DECR1: variants seen among roughly 807,000 people sequenced by gnomAD.
The protein encoded by DECR1 is 2,4-dienoyl-CoA reductase 1.
DECR1 carries 44 observed loss-of-function variants against 38.8 expected under a neutral mutation model. The observed-to-expected ratio is 1.13, with a 90% CI of 0.89 to 1.46. The LOEUF (loss-of-function observed/expected upper bound fraction) is 1.46, where lower values mean the gene tolerates loss of function less well. DECR1 is among the 40% of genes most tolerant of loss of function. The pLI, the probability that DECR1 is intolerant of heterozygous loss-of-function variation, is 0.00. For synonymous variants in DECR1, 148 were observed against 135.2 expected, an observed-to-expected ratio of 1.09 and a Z score of -0.66; for missense variants, 428 against 405.5, an observed-to-expected ratio of 1.06 and a Z score of -0.48.
At chr8:90,007,058 C>G (rs1429297362) in intron 1 of DECR1, among the ~76,000 whole-genome samples, 3 of 152,072 alleles carry the variant, frequency 2.0e-5, no homozygotes, top group Non-Finnish European at 4.4e-5. Flanking sequence ...TGTTAATTCT[C>G]CCTGGGAGTG....
intron 5 of DECR1, among the ~76,000 whole-genome samples, chr8:90,031,248 G>A (rs1481854965): frequency 1.3e-5 from 2 of 152,060 alleles, no homozygotes; most frequent in Admixed American, 6.6e-5. Flanking sequence ...AAGAGCTAGT[G>A]TCTATAAAGT....
Position 90,001,528 on chromosome 8 carries a change from G to A in DECR1, c.36G>A (p.Gly12=). The change falls in exon 1 of 10, where the codon GGG becomes GGA. Residue 12 remains glycine (G), a synonymous_variant. Coordinates refer to ENST00000220764, the MANE Select transcript of DECR1 (RefSeq NM_001359.2). ...KLPARVFFTL[G]SRLPCGLAPR... ...CGGCCAGGGTTTTCTTTACTCTGGG[G>A]TCCCGGCTGCCCTGTGGCCTCGCTC... 1 of 1,614,014 alleles carries A rather than the reference G, an allele frequency of 6.2e-7. No individual in the cohort carries two copies. Among genetic ancestry groups the A allele is most frequent in the Non-Finnish European group, 8.5e-7 (1 of 1,179,924 alleles).
intron 5 of DECR1, among the ~76,000 whole-genome samples, 154 bp downstream of exon 5, chr8:90,021,210 G>A (rs952026328): frequency 6.6e-6 from 1 of 152,218 alleles, no homozygotes; most frequent in Admixed American, 6.5e-5. Context: ...ATTATCATAT[G>A]TTACAATTTG....
chr8:90,006,109 C>G (rs1224059259), intron 1 of DECR1: 3 of 668,606 alleles, frequency 4.5e-6, no homozygotes, highest in Non-Finnish European at 8.2e-6. Flanking sequence ...GACCCCACCT[C>G]CAACATTGGG....
chr8:90,034,924 A>G (rs906123751), intron 5 of DECR1, among the ~76,000 whole-genome samples: 2 of 152,076 alleles, frequency 1.3e-5, no homozygotes, highest in African/African-American at 2.4e-5. Context: ...CCTTTTGACA[A>G]TCTCAGTTTC....
At chr8:90,015,344 T>G (rs1366184199) in intron 1 of DECR1, among the ~76,000 whole-genome samples, 1 of 152,168 alleles carries the variant, frequency 6.6e-6, no homozygotes, top group Non-Finnish European at 1.5e-5. Context: ...AAAATAGAAG[T>G]AACAATTGAA....
intron 5 of DECR1, among the ~76,000 whole-genome samples, chr8:90,021,349 T>TG (rs1405482685): frequency 1.3e-5 from 2 of 151,832 alleles, no homozygotes; most frequent in Non-Finnish European, 2.9e-5. Context: ...GATCTAGATG[T>TG]GGAGAAAGAG....
intron 1 of DECR1, among the ~76,000 whole-genome samples, chr8:90,008,003 G>C (rs778054875): frequency 6.6e-6 from 1 of 152,174 alleles, no homozygotes; most frequent in African/African-American, 2.4e-5. Flanking sequence ...TGATAGAACT[G>C]TAGGCTTTCA....
intron 6 of DECR1, among the ~76,000 whole-genome samples, chr8:90,040,431 G>C (rs1813728599): frequency 6.6e-6 from 1 of 152,126 alleles, no homozygotes; most frequent in South Asian, 2.1e-4. Flanking sequence ...TTGAAATGAT[G>C]CTATAAGACT....
chr8:90,037,477 C>T (rs1304098094), intron 6 of DECR1, among the ~76,000 whole-genome samples: 4 of 147,186 alleles, frequency 2.7e-5, no homozygotes, highest in African/African-American at 1.0e-4. Context: ...GACAGGACTT[C>T]AGTCTGTTGC....
At chr8:90,002,555 T>G (rs1024041105) in intron 1 of DECR1, among the ~76,000 whole-genome samples, 9 of 152,326 alleles carry the variant, frequency 5.9e-5, no homozygotes, top group African/African-American at 1.9e-4. Flanking sequence ...TTGTTATAAG[T>G]AAACTAAAAA....
intron 5 of DECR1, among the ~76,000 whole-genome samples, chr8:90,031,279 C>T (rs1053293043): frequency 6.6e-6 from 1 of 152,070 alleles, no homozygotes; most frequent in Non-Finnish European, 1.5e-5. Flanking sequence ...GTTCCCGGGG[C>T]AGACTAGTAC....
At chr8:90,017,565 T>C (rs951437507) in intron 2 of DECR1, among the ~76,000 whole-genome samples, 6 of 152,242 alleles carry the variant, frequency 3.9e-5, no homozygotes, top group African/African-American at 1.2e-4. Context: ...GCAATTTTCA[T>C]TATTTTAATT....
intron 1 of DECR1, among the ~76,000 whole-genome samples, chr8:90,008,494 A>G (rs1203829404): frequency 1.3e-5 from 2 of 152,202 alleles, no homozygotes; most frequent in Admixed American, 1.3e-4. Flanking sequence ...CAGATGTAAC[A>G]GGGATATTGA....
chr8:90,001,893 G>GC (rs1371078531), intron 1 of DECR1, among the ~76,000 whole-genome samples: 3 of 151,056 alleles, frequency 2.0e-5, no homozygotes, highest in Non-Finnish European at 4.4e-5. Context: ...AAGAGAAAGG[G>GC]CAGGAAGTCT....
Position 90,051,662 on chromosome 8 carries a change from A to T in DECR1, c.886-15A>T, listed in dbSNP as rs776442947. 4 of 1,608,614 alleles carry T rather than the reference A, an allele frequency of 2.5e-6. No individual in the cohort carries two copies. The highest frequency in any genetic ancestry group is 2.2e-5 in the East Asian group (1 of 44,804). The stretch of plus-strand genomic sequence containing the variant: ...AAGGAGTTAGTTTCAGAGTTTAAAA[A>T]TTTGTTTTTTCCAGGTCATTAAATT... On this transcript the variant is annotated splice_polypyrimidine_tract_variant and intron_variant, in intron 8 of 9. Coordinates refer to ENST00000220764, the MANE Select transcript of DECR1 (RefSeq NM_001359.2).
intron 5 of DECR1, among the ~76,000 whole-genome samples, chr8:90,034,189 A>G (rs1480297731): frequency 6.6e-6 from 1 of 152,216 alleles, no homozygotes; most frequent in Non-Finnish European, 1.5e-5. Context: ...TGAGAGAAAG[A>G]GAAACTAAAT....
At chr8:90,047,848 T>A (rs892714865) in intron 8 of DECR1, among the ~76,000 whole-genome samples, 10 of 152,228 alleles carry the variant, frequency 6.6e-5, no homozygotes, top group African/African-American at 2.4e-4. Flanking sequence ...CAGACCACAG[T>A]GCAATCAAAC....
chr8:90,051,718 G>A lies in DECR1; in HGVS notation c.927G>A (p.Gly309=), dbSNP rs1814099071. 6.2e-7 allele frequency: 1 copy of A among 1,612,914 alleles called. No individual in the cohort carries two copies. The highest frequency in any genetic ancestry group is 8.5e-7 in the Non-Finnish European group (1 of 1,179,814). Residue 309 remains glycine (G), a synonymous_variant, in exon 9 of 10, where the codon GGG becomes GGA. Coordinates refer to ENST00000220764, the MANE Select transcript of DECR1 (RefSeq NM_001359.2). ...GTGGAGAGGAAGTACTTATTTCAGGGGAATTCAACGACCTGAGAAAGGTAA... is the reference window on the plus strand; with the variant it reads ...GTGGAGAGGAAGTACTTATTTCAGGAGAATTCAACGACCTGAGAAAGGTAA... ...FDGGEEVLIS[G]EFNDLRKVTK... is the part of the protein sequence containing the mutation.
Sources: allele counts gnomAD v4.1 joint callset (sites outside exome capture counted in the v4.1 genomes callset), GRCh38; gene constraint gnomAD v4.1.1; transcripts MANE v1.5; gene names NCBI Gene and HGNC (gene_info 2026-07-23, HGNC 2026-07-21).